Variants in DPP6 observed in about 807,000 individuals in gnomAD.
DPP6 encodes the protein A-type potassium channel modulatory protein DPP6.
DPP6 carries 69 observed loss-of-function variants against 122.6 expected under a neutral mutation model. The observed-to-expected ratio is 0.56, with a 90% CI of 0.46 to 0.69. DPP6 has a LOEUF of 0.69. Ranked by LOEUF, DPP6 falls within the 30% of genes least tolerant of loss-of-function variation. The probability of loss-of-function intolerance (pLI) is 0.00; values close to 1 mark genes in which losing one functional copy is unlikely to be tolerated. For missense variants in DPP6, 928 were observed against 1,116.9 expected (o/e 0.83, Z 2.41); for synonymous variants, 418 against 433.1 (o/e 0.97, Z 0.43).
intron 1 of DPP6, among the ~76,000 whole-genome samples, chr7:154,042,144 G>T (rs1799798747): frequency 6.6e-6 from 1 of 152,186 alleles, no homozygotes. Flanking sequence ...AGGAGGAAGT[G>T]ATGTTGGCAG....
chr7:154,401,862 A>G (rs546540411), intron 1 of DPP6, among the ~76,000 whole-genome samples: 1 of 152,324 alleles, frequency 6.6e-6, no homozygotes, highest in African/African-American at 2.4e-5. Flanking sequence ...ACAAAGGGCT[A>G]ATATCCAGAA....
chr7:153,900,653 C>T (rs998404185), intron 1 of DPP6, among the ~76,000 whole-genome samples: 5 of 152,178 alleles, frequency 3.3e-5, no homozygotes, highest in African/African-American at 1.2e-4. Flanking sequence ...GAGGCGTCTG[C>T]CTCCATGACC....
chr7:154,215,381 G>C (rs981710402), intron 1 of DPP6, among the ~76,000 whole-genome samples: 5 of 152,112 alleles, frequency 3.3e-5, no homozygotes, highest in Admixed American at 6.5e-5. Context: ...ATTTGGGTGG[G>C]GACACAGAGC....
At chr7:154,050,440 C>T (rs1448731648), upstream of DPP6, among the ~76,000 whole-genome samples, 5 of 152,018 alleles carry the variant, frequency 3.3e-5, no homozygotes, top group South Asian at 2.1e-4. Context: ...TCATAGATAG[C>T]GTATGTATAT....
chr7:154,142,374 C>T (rs1478479999), intron 1 of DPP6, among the ~76,000 whole-genome samples: 8 of 152,092 alleles, frequency 5.3e-5, no homozygotes, highest in Non-Finnish European at 1.0e-4. Flanking sequence ...GGCAGATATA[C>T]AGTGAACACA....
intron 3 of DPP6, among the ~76,000 whole-genome samples, chr7:154,491,699 A>G (rs1029019853): frequency 3.3e-5 from 5 of 152,214 alleles, no homozygotes; most frequent in Admixed American, 6.5e-5. Context: ...ATGGCCCAGC[A>G]TGGTCATTTT....
intron 1 of DPP6, among the ~76,000 whole-genome samples, chr7:154,212,691 A>T (rs1023293030): frequency 6.6e-6 from 1 of 152,230 alleles, no homozygotes; most frequent in Non-Finnish European, 1.5e-5. Context: ...TATGGAAACC[A>T]TCAATTGTTG....
At chr7:154,080,762 A>G (rs948001763) in intron 1 of DPP6, among the ~76,000 whole-genome samples, 18 of 152,256 alleles carry the variant, frequency 1.2e-4, no homozygotes, top group African/African-American at 4.1e-4. Flanking sequence ...TGAAACATGC[A>G]GTGGAAATAT....
intron 1 of DPP6, among the ~76,000 whole-genome samples, chr7:154,444,184 G>A (rs116889767): frequency 0.024 from 3,706 of 152,198 alleles, 129 homozygotes; most frequent in East Asian, 0.11. Context: ...TTGGCCAGGC[G>A]CGGTGGCTCA....
At chr7:154,063,838 T>G (rs1585295285) in intron 1 of DPP6, among the ~76,000 whole-genome samples, 1 of 151,182 alleles carries the variant, frequency 6.6e-6, no homozygotes, top group Admixed American at 6.6e-5. Context: ...CGACGGCAAG[T>G]GCATGATAGT....
At chr7:154,842,866 G>A (rs1352600152) in intron 16 of DPP6, among the ~76,000 whole-genome samples, 1 of 152,168 alleles carries the variant, frequency 6.6e-6, no homozygotes, top group Non-Finnish European at 1.5e-5. Flanking sequence ...GTATATTTCA[G>A]TTTGAACATC....
intron 1 of DPP6, chr7:154,093,706 C>T (rs1371562288): frequency 6.6e-6 from 1 of 152,008 alleles, no homozygotes; most frequent in Non-Finnish European, 1.5e-5. Context: ...GGAGCCACTA[C>T]ATCTCCCTAC....
chr7:154,773,984 C>T (rs1330248711), intron 10 of DPP6, among the ~76,000 whole-genome samples: 1 of 152,182 alleles, frequency 6.6e-6, no homozygotes, highest in East Asian at 1.9e-4. Flanking sequence ...CAGAATTCTA[C>T]TGCGATTCCT....
the DPP6 span, among the ~76,000 whole-genome samples, chr7:153,794,657 T>A: frequency 6.6e-6 from 1 of 152,140 alleles, no homozygotes. Context: ...TGTGAGGACA[T>A]GAGATTTGAA....
chr7:154,797,644 A>G lies in DPP6; in HGVS notation c.1299+1761A>G, dbSNP rs187647042. Among the ~76,000 whole-genome samples, 488 of 152,286 alleles carry G rather than the reference A, an allele frequency of 3.2e-3. 3 individuals are homozygous for G. The highest frequency in any genetic ancestry group is 5.5e-3 in the Non-Finnish European group (372 of 68,026). ...AGTGGTGTCCCAAGGCCGGGGGAGT[A>G]TGGAGAGGAACAGCTTAATGAACAG... On this transcript the variant is annotated intron_variant, in intron 12 of 25. Transcript: ENST00000377770.
the DPP6 span, among the ~76,000 whole-genome samples, chr7:153,848,984 T>A: frequency 1.1e-4 from 16 of 152,326 alleles, no homozygotes; most frequent in Non-Finnish European, 2.4e-4. Flanking sequence ...AAGGGTTTTT[T>A]AACTTTAATT....
intron 1 of DPP6, among the ~76,000 whole-genome samples, chr7:154,168,889 T>C (rs1488165719): frequency 1.3e-5 from 2 of 152,238 alleles, no homozygotes; most frequent in Non-Finnish European, 2.9e-5. Context: ...TCTCCATTTT[T>C]AGATAAGAGA....
At chr7:154,134,170 G>A (rs1360397410) in intron 1 of DPP6, among the ~76,000 whole-genome samples, 1 of 152,140 alleles carries the variant, frequency 6.6e-6, no homozygotes, top group Non-Finnish European at 1.5e-5. Context: ...GAATGCCGAG[G>A]ATGTGCACAC....
intron 5 of DPP6, among the ~76,000 whole-genome samples, chr7:154,623,186 C>T (rs534371218): frequency 1.5e-4 from 23 of 152,308 alleles, no homozygotes; most frequent in African/African-American, 5.5e-4. Flanking sequence ...AGTCTCCAGC[C>T]TTTGCTTATG....
Sources: gnomAD v4.1 joint callset for allele counts (sites outside exome capture counted in the v4.1 genomes callset) on GRCh38, gnomAD v4.1.1 for gene constraint, MANE v1.5 for transcripts, NCBI Gene and HGNC (gene_info 2026-07-23, HGNC 2026-07-21) for gene names.